ZC3H3: variants seen among roughly 807,000 people sequenced by gnomAD.
The protein encoded by ZC3H3 is zinc finger CCCH-type containing 3.
ZC3H3 carries 36 observed loss-of-function variants against 77.3 expected under a neutral mutation model. That is an observed-to-expected ratio of 0.47 (90% confidence interval 0.36 to 0.61). The LOEUF (loss-of-function observed/expected upper bound fraction) is 0.61. Among genes scored for constraint, ZC3H3 ranks in the 20% least tolerant of loss-of-function variants. ZC3H3 has a pLI of 0.00. For synonymous variants in ZC3H3, 626 were observed against 555.2 expected (o/e 1.13, Z -1.79); for missense variants, 1,331 against 1,312.2 (o/e 1.01, Z -0.22).
At chr8:143,461,403 G>A (rs1218249649) in intron 9 of ZC3H3, among the ~76,000 whole-genome samples, 1 of 152,160 alleles carries the variant, frequency 6.6e-6, no homozygotes, top group African/African-American at 2.4e-5. Flanking sequence ...GCTGCCGGCA[G>A]GAGTGTCAAA....
chr8:143,474,589 A>AC (rs1238904240), intron 5 of ZC3H3, among the ~76,000 whole-genome samples: 1 of 151,754 alleles, frequency 6.6e-6, no homozygotes, highest in African/African-American at 2.4e-5. Context: ...CTCTCCTCTG[A>AC]CCCCCGCAGA....
At chr8:143,485,164 G>A (rs1277251104) in intron 4 of ZC3H3, among the ~76,000 whole-genome samples, 1 of 152,232 alleles carries the variant, frequency 6.6e-6, no homozygotes, top group Non-Finnish European at 1.5e-5. Flanking sequence ...AAGTTATGGA[G>A]CATGAGTCCC....
chr8:143,527,849 C>T (rs1239140345), intron 3 of ZC3H3, among the ~76,000 whole-genome samples: 1 of 152,216 alleles, frequency 6.6e-6, no homozygotes, highest in African/African-American at 2.4e-5. Flanking sequence ...CACCGCTCAG[C>T]CCCACAGCAA....
rs548579147 is a variant in ZC3H3, at chr8:143,531,205, C to T, written c.1561+5052G>A. 4.6e-5 allele frequency among the ~76,000 whole-genome samples: 7 copies of T among 152,270 alleles called. No homozygotes were observed. The South Asian group carries it at 1.5e-3, about 32-fold the overall frequency. ...GACCTCCTGGGTTCAAGTAATCACC[C>T]GCCTCAGCCTCCCAAAGTGTTGGGA... On this transcript the variant is annotated intron_variant, in intron 3 of 11. Coordinates refer to ENST00000262577, the MANE Select transcript of ZC3H3 (RefSeq NM_015117.3).
At chr8:143,506,781 C>T (rs1443293709) in intron 4 of ZC3H3, among the ~76,000 whole-genome samples, 1 of 152,194 alleles carries the variant, frequency 6.6e-6, no homozygotes, top group East Asian at 1.9e-4. Flanking sequence ...CCACGAGGCT[C>T]CAGAGCTGGG....
chr8:143,450,076 C>G (rs1819951503), intron 9 of ZC3H3, among the ~76,000 whole-genome samples: 1 of 152,228 alleles, frequency 6.6e-6, no homozygotes, highest in South Asian at 2.1e-4. Context: ...AGTTCCAAAG[C>G]TGTTTCCACA....
intron 4 of ZC3H3, among the ~76,000 whole-genome samples, chr8:143,486,537 C>A (rs1821057952): frequency 6.6e-6 from 1 of 152,190 alleles, no homozygotes; most frequent in Non-Finnish European, 1.5e-5. Flanking sequence ...GTTTGAAGAC[C>A]CCATCCCCAA....
chr8:143,479,052 G>A (rs1736885960), intron 4 of ZC3H3, among the ~76,000 whole-genome samples: 1 of 152,202 alleles, frequency 6.6e-6, no homozygotes, highest in Admixed American at 6.5e-5. Flanking sequence ...CCCGGGAATG[G>A]GGCAGGGCGC....
At chr8:143,451,782 TAA>T (rs547990960) in intron 9 of ZC3H3, among the ~76,000 whole-genome samples, 44 of 112,454 alleles carry the variant, frequency 3.9e-4, no homozygotes, top group Middle Eastern at 4.8e-3. Flanking sequence ...AGACTCTGCC[TAA>T]AAAAAAAAAA....
At chr8:143,521,349 C>T (rs1822236365) in intron 3 of ZC3H3, among the ~76,000 whole-genome samples, 1 of 152,146 alleles carries the variant, frequency 6.6e-6, no homozygotes, top group Non-Finnish European at 1.5e-5. Context: ...ACACTCCACC[C>T]ACTGGTACCC....
At chr8:143,499,398 C>G (rs571491160) in intron 4 of ZC3H3, among the ~76,000 whole-genome samples, 3 of 152,220 alleles carry the variant, frequency 2.0e-5, no homozygotes, top group South Asian at 4.1e-4. Flanking sequence ...CCAGGGCTCC[C>G]CGCCCCCTCT....
Position 143,478,047 on chromosome 8 carries a change from C to T in ZC3H3, c.1716-2462G>A, listed in dbSNP as rs192597556. ...GCACCCAATCCTGCATGCCTGACCC[C>T]GCCCACGGCACAGGCTGGGTTCAAC... On this transcript the variant is annotated intron_variant, in intron 4 of 11. Transcript: ENST00000262577. Among the ~76,000 whole-genome samples, 153 of 152,320 alleles carry T rather than the reference C, an allele frequency of 1.0e-3. 3 individuals carry two copies. The East Asian group carries it at 0.022, about 22-fold the overall frequency.
intron 5 of ZC3H3, among the ~76,000 whole-genome samples, chr8:143,474,955 G>A (rs912111479): frequency 3.3e-5 from 5 of 152,192 alleles, no homozygotes; most frequent in African/African-American, 9.6e-5. Flanking sequence ...CGTGTTTGCC[G>A]TACCTGGCAT....
chr8:143,527,360 T>C (rs1373121028), intron 3 of ZC3H3, among the ~76,000 whole-genome samples: 1 of 152,150 alleles, frequency 6.6e-6, no homozygotes, highest in Non-Finnish European at 1.5e-5. Flanking sequence ...CTGTCCCCAG[T>C]GTGGGGACCC....
At chr8:143,515,125 G>T (rs1821991879) in intron 3 of ZC3H3, among the ~76,000 whole-genome samples, 1 of 152,188 alleles carries the variant, frequency 6.6e-6, no homozygotes, top group South Asian at 2.1e-4. Flanking sequence ...TCAGTCCCTG[G>T]GGCCCAGGCC....
chr8:143,441,668 G>A (rs1819746159), intron 9 of ZC3H3, among the ~76,000 whole-genome samples: 1 of 152,156 alleles, frequency 6.6e-6, no homozygotes, highest in African/African-American at 2.4e-5. Context: ...CAGCCAGCAG[G>A]TGCTCTGGGC....
intron 3 of ZC3H3, among the ~76,000 whole-genome samples, chr8:143,526,430 A>G (rs372078010): frequency 1.3e-5 from 2 of 152,224 alleles, no homozygotes; most frequent in Non-Finnish European, 2.9e-5. Context: ...GCCGAGCAGG[A>G]GACCCCTCAG....
intron 4 of ZC3H3, chr8:143,484,804 T>C (rs766060734): frequency 9.3e-5 from 40 of 431,536 alleles, no homozygotes; most frequent in Non-Finnish European, 1.1e-4. Flanking sequence ...CACTGCTGTC[T>C]AAAGAGACTC....
In ZC3H3 at chr8:143,539,366, G is replaced by A. The variant is rs370634002; in HGVS notation, c.47-46C>T. ...GCCCAGTTAGCCAGAGGGTAACCGCGATAATCATGACTACCCTGGAAGGGC... is the reference window on the plus strand; with the variant it reads ...GCCCAGTTAGCCAGAGGGTAACCGCAATAATCATGACTACCCTGGAAGGGC... On this transcript the variant is annotated intron_variant, in intron 1 of 11. Coordinates refer to ENST00000262577, the MANE Select transcript of ZC3H3 (RefSeq NM_015117.3). 2.4e-5 allele frequency: 36 copies of A among 1,521,996 alleles called. No individual in the cohort carries two copies. The African/African-American group carries it at 3.6e-4, about 15-fold the overall frequency. 94.3% of individuals were successfully genotyped at this position (1,521,996 alleles called of 1,614,324 possible). A position where few individuals can be genotyped will look rare whatever the true frequency, so the allele number is the denominator to read the frequency against.
Sources: allele counts gnomAD v4.1 joint callset (sites outside exome capture counted in the v4.1 genomes callset), GRCh38; gene constraint gnomAD v4.1.1; transcripts MANE v1.5; gene names NCBI Gene and HGNC (gene_info 2026-07-23, HGNC 2026-07-21).